Variants in CACNA1C observed in about 807,000 individuals in gnomAD.
The protein encoded by CACNA1C is calcium voltage-gated channel subunit alpha1 C.
A neutral mutation model predicts 229.0 loss-of-function variants in CACNA1C; 30 were observed. That is an observed-to-expected ratio of 0.13 (90% CI 0.10 to 0.18). The LOEUF is 0.18. CACNA1C is among the 10% of genes least tolerant of loss of function. CACNA1C has a pLI of 1.00. For missense variants in CACNA1C, 1,658 were observed against 2,845.0 expected (o/e 0.58, Z 9.49); for synonymous variants, 1,114 against 1,132.5 (o/e 0.98, Z 0.33).
Position 2,393,139 on chromosome 12 carries a change from C to T in CACNA1C, c.478-55837C>T, listed in dbSNP as rs189112576. On this transcript the variant is annotated intron_variant, in intron 3 of 46. Coordinates refer to ENST00000399655, the MANE Select transcript of CACNA1C (RefSeq NM_000719.7). ...CCTGCCTCGTAGCTGGAAGCTAAGG[C>T]TGCAGCTTCATCTCCCATGGAAACC... Among the ~76,000 whole-genome samples the T allele has an allele frequency of 2.0e-5, 3 of 152,308 alleles. No individual in the cohort carries two copies. The East Asian group carries it at 5.8e-4, about 29-fold the overall frequency.
chr12:2,015,242 A>G (rs1176617670), intron 1 of CACNA1C, among the ~76,000 whole-genome samples: 1 of 152,210 alleles, frequency 6.6e-6, no homozygotes, highest in Admixed American at 6.5e-5. Flanking sequence ...CCGTTGGGCT[A>G]CATTTATCCT....
intron 1 of CACNA1C, among the ~76,000 whole-genome samples, chr12:1,989,176 G>A (rs2038679612): frequency 6.6e-6 from 1 of 152,120 alleles, no homozygotes; most frequent in Non-Finnish European, 1.5e-5. Context: ...TTGAGGCCAG[G>A]AATTTGAAAC....
At position 2,605,237 on chromosome 12, in the gene CACNA1C, G is replaced by A. The variant is rs566127072; in HGVS notation, c.3048+69G>A. ...GGGAGTGGGAGCTCCACAGAGGTGA[G>A]GGGTGGGTTGGAAGGAGATGATGGT... On this transcript the variant is annotated intron_variant, in intron 23 of 46. Transcript: ENST00000399655. The surrounding 1 kb of genome is among the most constrained non-coding windows in gnomAD (Gnocchi z 6.2). 58 of 1,105,144 alleles carry A rather than the reference G, an allele frequency of 5.2e-5. 1 individual carries two copies. The Admixed American group carries it at 8.7e-4, about 17-fold the overall frequency. 68.5% of individuals were successfully genotyped at this position (1,105,144 alleles called of 1,614,324 possible).
chr12:1,981,298 G>T (rs951747904), intron 1 of CACNA1C, among the ~76,000 whole-genome samples: 5 of 152,158 alleles, frequency 3.3e-5, no homozygotes, highest in Non-Finnish European at 5.9e-5. Context: ...AAAAACTAAA[G>T]AAATAGTTGT....
At chr12:2,687,209 C>G (rs2097546275) in intron 45 of CACNA1C, among the ~76,000 whole-genome samples, 1 of 152,222 alleles carries the variant, frequency 6.6e-6, no homozygotes, top group South Asian at 2.1e-4. Flanking sequence ...CTGAGGACCA[C>G]CATGGGCAGG....
chr12:2,413,522 A>T (rs1567541314), intron 3 of CACNA1C, among the ~76,000 whole-genome samples: 1 of 152,186 alleles, frequency 6.6e-6, no homozygotes, highest in Non-Finnish European at 1.5e-5. Flanking sequence ...GACATGTGTC[A>T]ACAGAGCTCT....
At chr12:2,405,611 C>T (rs964736079) in intron 3 of CACNA1C, among the ~76,000 whole-genome samples, 1 of 152,140 alleles carries the variant, frequency 6.6e-6, no homozygotes, top group Non-Finnish European at 1.5e-5. Flanking sequence ...TGTGGTTGCT[C>T]TAAGTATTAC....
At chr12:2,237,648 G>A (rs981378993) in intron 3 of CACNA1C, among the ~76,000 whole-genome samples, 1 of 152,184 alleles carries the variant, frequency 6.6e-6, no homozygotes, top group Non-Finnish European at 1.5e-5. Flanking sequence ...TTGGAAGGAA[G>A]GATGGGCCTT....
In CACNA1C at chr12:2,630,107, G is replaced by C. The variant is rs1458135401; in HGVS notation, c.3829-4190G>C. ...CGTGGCTCTGAGGAGCTGGACAGTA[G>C]AGGTTTGGTTTGCCACTTCAAGGAG... is the stretch of plus-strand genomic sequence containing the variant. On this transcript the variant is annotated intron_variant, in intron 29 of 46. Transcript: ENST00000399655. This position sits in a 1 kb window ranked among gnomAD's most constrained non-coding sequence, Gnocchi z 5.4. 6.6e-6 allele frequency among the ~76,000 whole-genome samples: 1 copy of C among 152,232 alleles called. No individual in the cohort carries two copies. The highest frequency in any genetic ancestry group is 2.4e-5 in the African/African-American group (1 of 41,458).
chr12:2,184,751 C>T (rs1323957140), intron 3 of CACNA1C, among the ~76,000 whole-genome samples: 1 of 152,214 alleles, frequency 6.6e-6, no homozygotes, highest in Non-Finnish European at 1.5e-5. Context: ...ATGAGGAAGA[C>T]AGGCAAACAA....
In CACNA1C at chr12:2,678,208, TTTTG is replaced by T. The variant is rs984510423; in HGVS notation, c.5091+348_5091+351del. 3.3e-5 allele frequency among the ~76,000 whole-genome samples: 5 copies of T among 152,136 alleles called. No individual in the cohort carries two copies. The highest frequency in any genetic ancestry group is 1.2e-4 in the African/African-American group (5 of 41,418). Reference sequence around the variant, plus strand: ...GGGGCACATCTAATCTGCAGGCTTGTTTTGTTTGTTAATATTTGAAAATCAAGAC... The same window carrying T: ...GGGGCACATCTAATCTGCAGGCTTGTTTTGTTAATATTTGAAAATCAAGAC... On this transcript the variant is annotated intron_variant, in intron 41 of 46. Transcript: ENST00000399655. The surrounding 1 kb of genome is among the most constrained non-coding windows in gnomAD (Gnocchi z 4.1).
At chr12:2,480,869 A>G (rs2099673201) in intron 5 of CACNA1C, among the ~76,000 whole-genome samples, 1 of 152,220 alleles carries the variant, frequency 6.6e-6, no homozygotes, top group African/African-American at 2.4e-5. Flanking sequence ...GCAGAGCGTC[A>G]ATGTGGAATC....
chr12:2,230,251 C>T (rs1215635491), intron 3 of CACNA1C, among the ~76,000 whole-genome samples: 1 of 152,114 alleles, frequency 6.6e-6, no homozygotes, highest in Non-Finnish European at 1.5e-5. Flanking sequence ...GGTCAGAGGT[C>T]GGGAAGGGCG....
At chr12:2,299,356 C>T (rs1241421863) in intron 3 of CACNA1C, among the ~76,000 whole-genome samples, 6 of 152,214 alleles carry the variant, frequency 3.9e-5, no homozygotes, top group African/African-American at 1.4e-4. Flanking sequence ...AAACTAAAAA[C>T]GTTTTCCGGT....
chr12:2,463,160 C>T (rs1053522411), intron 5 of CACNA1C, among the ~76,000 whole-genome samples: 11 of 152,190 alleles, frequency 7.2e-5, no homozygotes, highest in Non-Finnish European at 1.3e-4. Flanking sequence ...CTGCCCGCCT[C>T]AGCCTCCCAA....
chr12:2,669,413 C>T (rs929994677), intron 38 of CACNA1C, among the ~76,000 whole-genome samples: 1 of 152,206 alleles, frequency 6.6e-6, no homozygotes, highest in Non-Finnish European at 1.5e-5. Flanking sequence ...CAAAGCCGTC[C>T]TGGGCCGCAT....
intron 3 of CACNA1C, among the ~76,000 whole-genome samples, chr12:2,416,990 C>A (rs191503791): frequency 6.6e-6 from 1 of 152,218 alleles, no homozygotes; most frequent in African/African-American, 2.4e-5. Flanking sequence ...ATGTTAGTGA[C>A]TGCCTCTCCC....
In CACNA1C at chr12:2,135,094, C is replaced by T. The variant is rs1288880818; in HGVS notation, c.477+14664C>T. 5.1e-3 allele frequency among the ~76,000 whole-genome samples: 717 copies of T among 140,984 alleles called. 4 individuals are homozygous for T. The highest frequency in any genetic ancestry group is 0.015 in the African/African-American group (505 of 33,670). 92.5% of individuals were successfully genotyped at this position (140,984 alleles called of 152,430 possible). On this transcript the variant is annotated intron_variant, in intron 3 of 46. Coordinates refer to ENST00000399655, the MANE Select transcript of CACNA1C (RefSeq NM_000719.7). ...GCTGACACCCTTTCTTCCAGTTGAT[C>T]GCATCAGCTCCTGAGGCTTCTGCAT...
chr12:2,329,837 G>A (rs1466650983), intron 3 of CACNA1C, among the ~76,000 whole-genome samples: 1 of 152,208 alleles, frequency 6.6e-6, no homozygotes, highest in Non-Finnish European at 1.5e-5. Context: ...AACTCCCCTA[G>A]GAAAGGGCCG....
Sources: gnomAD v4.1 joint callset for allele counts (sites outside exome capture counted in the v4.1 genomes callset) on GRCh38, gnomAD v4.1.1 for gene constraint, Gnocchi (gnomAD v3.1) non-coding constraint, MANE v1.5 for transcripts, NCBI Gene and HGNC (gene_info 2026-07-23, HGNC 2026-07-21) for gene names.